OLIG1: variants seen among roughly 807,000 people sequenced by gnomAD.
OLIG1 encodes oligodendrocyte transcription factor 1.
Under a neutral mutation model 13.5 loss-of-function variants are expected in OLIG1, and 9 were observed. The observed-to-expected ratio is 0.67, with a 90% CI of 0.40 to 1.17. The LOEUF is 1.17. Ranked by LOEUF, OLIG1 falls within the 50% of genes most tolerant of loss-of-function variation. The pLI, the probability that OLIG1 is intolerant of heterozygous loss-of-function variation, is 0.01. For synonymous variants in OLIG1, 215 were observed against 208.3 expected (o/e 1.03, Z -0.28); for missense variants, 362 against 392.2 (o/e 0.92, Z 0.65).
Position 33,070,597 on chromosome 21 carries a change from C to T in OLIG1, c.351C>T (p.Arg117=). The change falls in exon 1 of 1, where the codon CGC becomes CGT. Residue 117 remains arginine (R), a synonymous_variant. Coordinates refer to ENST00000382348, the MANE Select transcript of OLIG1 (RefSeq NM_138983.3). The surrounding 1 kb of genome is among the most constrained non-coding windows in gnomAD (Gnocchi z 5.9). The part of the protein sequence containing the change: ...RRKINSRERK[R]MQDLNLAMDA... The stretch of plus-strand genomic sequence containing the variant: ...AGATCAACAGCCGCGAGCGGAAGCG[C>T]ATGCAGGACCTGAACCTGGCCATGG... 2 of 1,569,830 alleles carry T rather than the reference C, an allele frequency of 1.3e-6. No individual in the cohort carries two copies. Among genetic ancestry groups the T allele is most frequent in the Non-Finnish European group, 1.7e-6 (2 of 1,164,886 alleles).
chr21:33,070,380 C>CCTT lies in OLIG1; in HGVS notation c.136_137insTCT (p.Ser45_Ser46insPhe). ...GGCTACAGGCAGCCGCCCTCCTCCT[C>CCTT]CTCCTCCTCCACCTCCTCCACCTCC... On this transcript the variant is annotated inframe_insertion, in exon 1 of 1. Transcript: ENST00000382348. The surrounding 1 kb of genome is among the most constrained non-coding windows in gnomAD (Gnocchi z 5.9). 1 of 1,543,698 alleles carries CCTT rather than the reference C, an allele frequency of 6.5e-7. No individual in the cohort carries two copies. Among genetic ancestry groups the CCTT allele is most frequent in the Non-Finnish European group, 8.7e-7 (1 of 1,145,180 alleles).
In OLIG1 at chr21:33,070,371, C is replaced by G. The variant is rs1441436464; in HGVS notation, c.125C>G (p.Pro42Arg). 2.9e-6 allele frequency: 4 copies of G among 1,399,974 alleles called. No individual in the cohort carries two copies. Among genetic ancestry groups the G allele is most frequent in the Non-Finnish European group, 3.8e-6 (4 of 1,051,872 alleles). The allele number at this position is 1,399,974 out of a possible 1,614,324, so 86.7% of individuals were successfully genotyped here. The change falls in exon 1 of 1, where the codon CCC (proline) becomes CGC (arginine). Residue 42 changes from proline to arginine, a missense_variant. Coordinates refer to ENST00000382348, the MANE Select transcript of OLIG1 (RefSeq NM_138983.3). This position sits in a 1 kb window ranked among gnomAD's most constrained non-coding sequence, Gnocchi z 5.9. ...GAGCTGGTGGGCTACAGGCAGCCGC[C>G]CTCCTCCTCCTCCTCCTCCACCTCC... is the stretch of plus-strand genomic sequence containing the variant. Reference protein sequence around the residue: ...LYELVGYRQPPSSSSSSTSST... With the variant: ...LYELVGYRQPRSSSSSSTSST...
rs1982195986 is a variant in OLIG1, at chr21:33,070,647, C to T, written c.401C>T (p.Pro134Leu). ...AMDALREVIL[P>L]YSAAHCQGAP... Reference sequence around the variant, plus strand: ...GACGCCCTGCGCGAGGTCATCCTGCCCTACTCAGCGGCGCACTGCCAGGGC... The same window carrying T: ...GACGCCCTGCGCGAGGTCATCCTGCTCTACTCAGCGGCGCACTGCCAGGGC... Residue 134 changes from proline (P) to leucine (L), a missense_variant, in exon 1 of 1, where the codon CCC becomes CTC. Coordinates refer to ENST00000382348, the MANE Select transcript of OLIG1 (RefSeq NM_138983.3). This position sits in a 1 kb window ranked among gnomAD's most constrained non-coding sequence, Gnocchi z 5.9. 6.4e-7 allele frequency: 1 copy of T among 1,564,288 alleles called. No individual in the cohort carries two copies. The highest frequency in any genetic ancestry group is 1.4e-5 in the African/African-American group (1 of 70,920).
At position 33,070,547 on chromosome 21, in the gene OLIG1, G is replaced by C. The variant is rs1258590048; in HGVS notation, c.301G>C (p.Glu101Gln). 7 of 1,512,444 alleles carry C rather than the reference G, an allele frequency of 4.6e-6. No individual in the cohort carries two copies. The highest frequency in any genetic ancestry group is 6.2e-6 in the Non-Finnish European group (7 of 1,136,220). 93.7% of individuals were successfully genotyped at this position (1,512,444 alleles called of 1,614,324 possible). ...GGSARPDAKE[E>Q]QQQQLRRKIN... ...CAGCGCCCGGCCGGACGCCAAGGAG[G>C]AGCAGCAGCAGCAGCTGCGGCGCAA... Residue 101 changes from glutamate (E) to glutamine (Q), a missense_variant, in exon 1 of 1, where the codon GAG becomes CAG. Physicochemically the swap from Glu to Gln is conservative, Grantham distance 29 (BLOSUM62 2). This residue lies in a region of OLIG1 where 206 missense variants were observed against 197.2 expected (regional missense o/e 1.04). Transcript: ENST00000382348. This position sits in a 1 kb window ranked among gnomAD's most constrained non-coding sequence, Gnocchi z 5.9.
Position 33,070,991 on chromosome 21 carries a change from G to T in OLIG1, c.745G>T (p.Val249Leu), listed in dbSNP as rs1227929251. The T allele has an allele frequency of 1.4e-6, 2 of 1,397,556 alleles. No individual in the cohort carries two copies. The highest frequency in any genetic ancestry group is 4.5e-5 in the Admixed American group (2 of 44,328). The allele number at this position is 1,397,556 out of a possible 1,614,324, so 86.6% of individuals were successfully genotyped here. A position where few individuals can be genotyped will look rare whatever the true frequency, so the allele number is the denominator to read the frequency against. Residue 249 changes from valine (V) to leucine (L), a missense_variant, in exon 1 of 1, where the codon GTG becomes TTG. Val to Leu is a conservative substitution (Grantham distance 32, BLOSUM62 1). Coordinates refer to ENST00000382348, the MANE Select transcript of OLIG1 (RefSeq NM_138983.3). The surrounding 1 kb of genome is among the most constrained non-coding windows in gnomAD (Gnocchi z 5.9). ...AGGPGLCTCA[V>L]CKFPHLVPAS... ...CGGCCCCGGCCTCTGCACCTGCGCC[G>T]TGTGCAAGTTCCCGCACCTGGTCCC...
chr21:33,070,334 G>C lies in OLIG1; in HGVS notation c.88G>C (p.Ala30Pro). The C allele has an allele frequency of 2.6e-6, 4 of 1,546,444 alleles. No homozygotes were observed. Among genetic ancestry groups the C allele is most frequent in the Non-Finnish European group, 3.5e-6 (4 of 1,145,554 alleles). ...PQRPGDLQLGASLYELVGYRQ... is the reference protein window; with the variant it reads ...PQRPGDLQLGPSLYELVGYRQ... ...GCGGCCCGGAGACTTGCAGCTCGGG[G>C]CCTCCCTCTACGAGCTGGTGGGCTA... The change falls in exon 1 of 1, where the codon GCC becomes CCC. Residue 30 changes from alanine (A) to proline (P), a missense_variant. Ala to Pro is a conservative substitution (Grantham distance 27). Around this residue, in one of 3 missense-constraint regions of OLIG1, gnomAD observed 206 missense variants for 197.2 expected, o/e 1.04. Coordinates refer to ENST00000382348, the MANE Select transcript of OLIG1 (RefSeq NM_138983.3). The surrounding 1 kb of genome is among the most constrained non-coding windows in gnomAD (Gnocchi z 5.9).
rs1452916464 is a variant in OLIG1, at chr21:33,070,401, C to T, written c.155C>T (p.Thr52Ile). ...TCCTCCTCCTCCTCCACCTCCTCCA[C>T]CTCCTCCACTTCCTCCTCCTCCACG... ...PSSSSSSTSS[T>I]SSTSSSSTTA... Residue 52 changes from threonine to isoleucine, a missense_variant, in exon 1 of 1, where the codon ACC (threonine) becomes ATC (isoleucine). Around this residue, in one of 3 missense-constraint regions of OLIG1, gnomAD observed 206 missense variants for 197.2 expected, o/e 1.04. Coordinates refer to ENST00000382348, the MANE Select transcript of OLIG1 (RefSeq NM_138983.3). The surrounding 1 kb of genome is among the most constrained non-coding windows in gnomAD (Gnocchi z 5.9). 3.9e-6 allele frequency: 6 copies of T among 1,539,794 alleles called. No homozygotes were observed. Among genetic ancestry groups the T allele is most frequent in the African/African-American group, 1.4e-5 (1 of 72,132 alleles).
rs764460042 is a variant in OLIG1, at chr21:33,070,750, G to C, written c.504G>C (p.Leu168=). The C allele has an allele frequency of 7.5e-7, 1 of 1,326,156 alleles. No individual in the cohort carries two copies. The highest frequency in any genetic ancestry group is 9.6e-7 in the Non-Finnish European group (1 of 1,040,438). The allele number at this position is 1,326,156 out of a possible 1,614,324, so 82.1% of individuals were successfully genotyped here. Residue 168 remains leucine, a synonymous_variant, in exon 1 of 1, where the codon CTG becomes CTC. Transcript: ENST00000382348. This position sits in a 1 kb window ranked among gnomAD's most constrained non-coding sequence, Gnocchi z 5.9. The part of the protein sequence containing the change: ...RNYILLLGSS[L]QELRRALGEG... ...ACATCCTACTGCTGGGCAGCTCGCTGCAGGAGCTGCGCCGCGCGCTGGGCG... is the reference window on the plus strand; with the variant it reads ...ACATCCTACTGCTGGGCAGCTCGCTCCAGGAGCTGCGCCGCGCGCTGGGCG...
chr21:33,070,478 G>A lies in OLIG1; in HGVS notation c.232G>A (p.Glu78Lys). 1 of 1,523,968 alleles carries A rather than the reference G, an allele frequency of 6.6e-7. No individual in the cohort carries two copies. Among genetic ancestry groups the A allele is most frequent in the Admixed American group, 2.0e-5 (1 of 49,712 alleles). 94.4% of individuals were successfully genotyped at this position (1,523,968 alleles called of 1,614,324 possible). The change falls in exon 1 of 1, where the codon GAG (glutamate) becomes AAG (lysine). Residue 78 changes from glutamate (E) to lysine (K), a missense_variant. This residue lies in a region of OLIG1 where 206 missense variants were observed against 197.2 expected (regional missense o/e 1.04). Coordinates refer to ENST00000382348, the MANE Select transcript of OLIG1 (RefSeq NM_138983.3). The surrounding 1 kb of genome is among the most constrained non-coding windows in gnomAD (Gnocchi z 5.9). ...GCGCGAGAAGCCGGAGGCGCCGGCC[G>A]AGCCTCCAGGCCCCGGGCCCGGGTC... is the stretch of plus-strand genomic sequence containing the variant. ...AAREKPEAPA[E>K]PPGPGPGSGA...
Position 33,070,162 on chromosome 21 carries a change from G to A in OLIG1, c.-85G>A. 1.4e-6 allele frequency: 2 copies of A among 1,406,458 alleles called. No homozygotes were observed. The highest frequency in any genetic ancestry group is 6.0e-5 in the East Asian group (2 of 33,368). The allele number at this position is 1,406,458 out of a possible 1,614,324, so 87.1% of individuals were successfully genotyped here. A position where few individuals can be genotyped will look rare whatever the true frequency, so the allele number is the denominator to read the frequency against. On this transcript the variant is annotated 5_prime_UTR_variant, in exon 1 of 1. Transcript: ENST00000382348. This position sits in a 1 kb window ranked among gnomAD's most constrained non-coding sequence, Gnocchi z 5.9. ...CCCCACCATCGTTTCCCCGCGCGCA[G>A]GTCCGCGGGGAGGGGCGGCCTGCCG...
rs1421850594 is a variant in OLIG1, at chr21:33,072,087, G to A, written c.*1025G>A. ...AGCCCTGAACCGCCCGCTGCTCGGC[G>A]GATCCCAGCTGCGGTGGCGACGGCG... On this transcript the variant is annotated 3_prime_UTR_variant, in exon 1 of 1. Coordinates refer to ENST00000382348, the MANE Select transcript of OLIG1 (RefSeq NM_138983.3). The A allele has an allele frequency of 6.0e-6, 1 of 167,116 alleles. No homozygotes were observed. The highest frequency in any genetic ancestry group is 6.5e-5 in the Admixed American group (1 of 15,296). The allele number at this position is 167,116 out of a possible 1,614,324, so 10.4% of individuals were successfully genotyped here.
chr21:33,070,959 G>C lies in OLIG1; in HGVS notation c.713G>C (p.Gly238Ala), dbSNP rs1982210305. The C allele has an allele frequency of 6.9e-7, 1 of 1,459,116 alleles. No individual in the cohort carries two copies. Among genetic ancestry groups the C allele is most frequent in the African/African-American group, 1.5e-5 (1 of 67,666 alleles). 90.4% of individuals were successfully genotyped at this position (1,459,116 alleles called of 1,614,324 possible). A position where few individuals can be genotyped will look rare whatever the true frequency, so the allele number is the denominator to read the frequency against. Residue 238 changes from glycine to alanine, a missense_variant, in exon 1 of 1, where the codon GGC (glycine) becomes GCC (alanine). Physicochemically the swap from Gly to Ala is moderately conservative, Grantham distance 60 (BLOSUM62 0). Around this residue, in one of 3 missense-constraint regions of OLIG1, gnomAD observed 62 missense variants for 49.1 expected, o/e 1.26. Coordinates refer to ENST00000382348, the MANE Select transcript of OLIG1 (RefSeq NM_138983.3). This position sits in a 1 kb window ranked among gnomAD's most constrained non-coding sequence, Gnocchi z 5.9. ...GGCCAGTTCGCTCTCCCCGGCGGCG[G>C]CGCAGGCGGCCCCGGCCTCTGCACC... is the stretch of plus-strand genomic sequence containing the variant. ...PCGQFALPGG[G>A]AGGPGLCTCA...
Position 33,071,057 on chromosome 21 carries a change from A to G in OLIG1, c.811A>G (p.Lys271Glu). 1 of 1,477,532 alleles carries G rather than the reference A, an allele frequency of 6.8e-7. No homozygotes were observed. Among genetic ancestry groups the G allele is most frequent in the Non-Finnish European group, 9.0e-7 (1 of 1,114,594 alleles). The allele number at this position is 1,477,532 out of a possible 1,614,324, so 91.5% of individuals were successfully genotyped here. ...GLAAVQAQFS[K>E] Reference sequence around the variant, plus strand: ...GGCCGCCGTGCAGGCGCAATTCTCCAAGTGAGGGCGGGCCTGGGCCTGGGG... The same window carrying G: ...GGCCGCCGTGCAGGCGCAATTCTCCGAGTGAGGGCGGGCCTGGGCCTGGGG... The change falls in exon 1 of 1, where the codon AAG (lysine) becomes GAG (glutamate). Residue 271 changes from lysine (K) to glutamate (E), a missense_variant. By Grantham distance (56) the Lys-to-Glu change is moderately conservative. This residue lies in a region of OLIG1 where 62 missense variants were observed against 49.1 expected (regional missense o/e 1.26). Coordinates refer to ENST00000382348, the MANE Select transcript of OLIG1 (RefSeq NM_138983.3). The surrounding 1 kb of genome is among the most constrained non-coding windows in gnomAD (Gnocchi z 6.0).
chr21:33,070,569 G>T lies in OLIG1; in HGVS notation c.323G>T (p.Arg108Leu). Residue 108 changes from arginine (R) to leucine (L), a missense_variant, in exon 1 of 1, where the codon CGC becomes CTC. By Grantham distance (102) the Arg-to-Leu change is moderately radical. Around this residue, in one of 3 missense-constraint regions of OLIG1, gnomAD observed 206 missense variants for 197.2 expected, o/e 1.04. Transcript: ENST00000382348. The surrounding 1 kb of genome is among the most constrained non-coding windows in gnomAD (Gnocchi z 5.9). ...AKEEQQQQLRRKINSRERKRM... is the reference protein window; with the variant it reads ...AKEEQQQQLRLKINSRERKRM... ...GAGGAGCAGCAGCAGCAGCTGCGGC[G>T]CAAGATCAACAGCCGCGAGCGGAAG... 1 of 1,538,166 alleles carries T rather than the reference G, an allele frequency of 6.5e-7. No individual in the cohort carries two copies. The highest frequency in any genetic ancestry group is 8.7e-7 in the Non-Finnish European group (1 of 1,149,472).
chr21:33,071,012 G>C lies in OLIG1; in HGVS notation c.766G>C (p.Val256Leu). ...TCAVCKFPHLVPASLGLAAVQ... is the reference protein window; with the variant it reads ...TCAVCKFPHLLPASLGLAAVQ... The stretch of plus-strand genomic sequence containing the variant: ...CGCCGTGTGCAAGTTCCCGCACCTG[G>C]TCCCGGCCAGCCTGGGCCTGGCCGC... The change falls in exon 1 of 1, where the codon GTC becomes CTC. Residue 256 changes from valine to leucine, a missense_variant. Val to Leu is a conservative substitution (Grantham distance 32). Coordinates refer to ENST00000382348, the MANE Select transcript of OLIG1 (RefSeq NM_138983.3). This position sits in a 1 kb window ranked among gnomAD's most constrained non-coding sequence, Gnocchi z 6.0. The C allele has an allele frequency of 2.0e-6, 3 of 1,508,036 alleles. No homozygotes were observed. Among genetic ancestry groups the C allele is most frequent in the Non-Finnish European group, 2.6e-6 (3 of 1,134,542 alleles). The allele number at this position is 1,508,036 out of a possible 1,614,324, so 93.4% of individuals were successfully genotyped here.
In OLIG1 at chr21:33,072,185, C is replaced by T. The variant is rs1012295133; in HGVS notation, c.*1123C>T. 6.0e-6 allele frequency: 1 copy of T among 167,094 alleles called. No individual in the cohort carries two copies. The highest frequency in any genetic ancestry group is 1.5e-5 in the Non-Finnish European group (1 of 68,118). 10.4% of individuals were successfully genotyped at this position (167,094 alleles called of 1,614,324 possible). A position where few individuals can be genotyped will look rare whatever the true frequency, so the allele number is the denominator to read the frequency against. On this transcript the variant is annotated 3_prime_UTR_variant, in exon 1 of 1. Transcript: ENST00000382348. Reference sequence around the variant, plus strand: ...GCGGCCCGCAGGTCTTCCTTCTCGCCGTCTTGCAGTTGAAGAGCTACATAC... The same window carrying T: ...GCGGCCCGCAGGTCTTCCTTCTCGCTGTCTTGCAGTTGAAGAGCTACATAC...
Position 33,070,631 on chromosome 21 carries a change from C to T in OLIG1, c.385C>T (p.Arg129Cys). The part of the protein sequence containing the change: ...QDLNLAMDAL[R>C]EVILPYSAAH... ...CCTGAACCTGGCCATGGACGCCCTG[C>T]GCGAGGTCATCCTGCCCTACTCAGC... The change falls in exon 1 of 1, where the codon CGC becomes TGC. Residue 129 changes from arginine to cysteine, a missense_variant. Physicochemically the swap from Arg to Cys is radical, Grantham distance 180 (BLOSUM62 -3). This residue lies in a region of OLIG1 where 206 missense variants were observed against 197.2 expected (regional missense o/e 1.04). Transcript: ENST00000382348. The surrounding 1 kb of genome is among the most constrained non-coding windows in gnomAD (Gnocchi z 5.9). 1.3e-6 allele frequency: 2 copies of T among 1,575,274 alleles called. No individual in the cohort carries two copies. Among genetic ancestry groups the T allele is most frequent in the East Asian group, 2.4e-5 (1 of 40,990 alleles).
At position 33,070,380 on chromosome 21, in the gene OLIG1, C is replaced by T. The variant is rs1270149657; in HGVS notation, c.134C>T (p.Ser45Phe). ...GGCTACAGGCAGCCGCCCTCCTCCT[C>T]CTCCTCCTCCACCTCCTCCACCTCC... ...LVGYRQPPSSSSSSTSSTSST... is the reference protein window; with the variant it reads ...LVGYRQPPSSFSSSTSSTSST... Residue 45 changes from serine (S) to phenylalanine (F), a missense_variant, in exon 1 of 1, where the codon TCC (serine) becomes TTC (phenylalanine). By Grantham distance (155) the Ser-to-Phe change is radical. Around this residue, in one of 3 missense-constraint regions of OLIG1, gnomAD observed 206 missense variants for 197.2 expected, o/e 1.04. Coordinates refer to ENST00000382348, the MANE Select transcript of OLIG1 (RefSeq NM_138983.3). The surrounding 1 kb of genome is among the most constrained non-coding windows in gnomAD (Gnocchi z 5.9). 1.9e-6 allele frequency: 3 copies of T among 1,543,590 alleles called. No individual in the cohort carries two copies. The highest frequency in any genetic ancestry group is 2.6e-6 in the Non-Finnish European group (3 of 1,145,190).
chr21:33,071,931 C>T lies in OLIG1; in HGVS notation c.*869C>T, dbSNP rs189108894. On this transcript the variant is annotated 3_prime_UTR_variant, in exon 1 of 1. Transcript: ENST00000382348. The surrounding 1 kb of genome is among the most constrained non-coding windows in gnomAD (Gnocchi z 6.0). ...GTAGCGTAACCAACATTTAAGCTTG[C>T]TTAAAAACGAAAACCAACCGCCTTG... is the stretch of plus-strand genomic sequence containing the variant. 134 of 167,194 alleles carry T rather than the reference C, an allele frequency of 8.0e-4. No homozygotes were observed. The highest frequency in any genetic ancestry group is 6.8e-3 in the Middle Eastern group (2 of 296). The allele number at this position is 167,194 out of a possible 1,614,324, so 10.4% of individuals were successfully genotyped here.
Sources: allele counts gnomAD v4.1 joint callset, GRCh38; gene constraint gnomAD v4.1.1; regional missense constraint gnomAD v4.1.1; non-coding constraint Gnocchi (gnomAD v3.1); transcripts MANE v1.5; gene names NCBI Gene and HGNC (gene_info 2026-07-23, HGNC 2026-07-21).